The following PCDH15 variants were observed in gnomAD, a reference collection of about 807,000 sequenced individuals.
PCDH15 encodes the protein protocadherin related 15.
In PCDH15, 129 loss-of-function variants were observed where a neutral mutation model predicts 178.5. The ratio of observed to expected loss-of-function variants is 0.72; its 90% CI spans 0.63 to 0.84. The LOEUF is 0.84. Among genes scored for constraint, PCDH15 ranks in the 40% least tolerant of loss-of-function variants. The pLI is 0.00. For synonymous variants in PCDH15, 800 were observed against 732.0 expected (o/e 1.09, Z -1.50); for missense variants, 2,230 against 2,099.9 (o/e 1.06, Z -1.21).
intron 2 of PCDH15, among the ~76,000 whole-genome samples, chr10:55,085,388 T>C (rs773512858): frequency 6.6e-6 from 1 of 151,782 alleles, no homozygotes; most frequent in Non-Finnish European, 1.5e-5. Flanking sequence ...GGTTAATGCA[T>C]ACAAAAATAT....
intron 2 of PCDH15, among the ~76,000 whole-genome samples, chr10:55,118,156 T>A (rs564032679): frequency 1.3e-5 from 2 of 152,152 alleles, no homozygotes; most frequent in African/African-American, 2.4e-5. Context: ...AACACTCTCA[T>A]ATAGACAAAT....
At chr10:53,915,250 T>C (rs139025606) in intron 25 of PCDH15, among the ~76,000 whole-genome samples, 170 of 152,296 alleles carry the variant, frequency 1.1e-3, no homozygotes, top group African/African-American at 4.0e-3. Context: ...ACAAAACATT[T>C]AGAAAATAAA....
chr10:55,251,926 A>G (rs976339580), intron 1 of PCDH15, among the ~76,000 whole-genome samples: 1 of 151,176 alleles, frequency 6.6e-6, no homozygotes, highest in Non-Finnish European at 1.5e-5. Flanking sequence ...TACTTGTCAA[A>G]ACAAAACAAC....
intron 2 of PCDH15, among the ~76,000 whole-genome samples, chr10:54,529,901 T>C (rs2083737050): frequency 6.6e-6 from 1 of 151,838 alleles, no homozygotes; most frequent in Non-Finnish European, 1.5e-5. Flanking sequence ...CTCTCATATG[T>C]ACACACACAC....
intron 5 of PCDH15, among the ~76,000 whole-genome samples, chr10:54,356,249 C>T (rs1439450781): frequency 4.6e-5 from 7 of 151,736 alleles, no homozygotes; most frequent in Non-Finnish European, 7.4e-5. Flanking sequence ...ACAAAGTCTA[C>T]GAATCATGAG....
chr10:55,386,545 A>T (rs1646161109), intron 2 of PCDH15, among the ~76,000 whole-genome samples: 1 of 152,030 alleles, frequency 6.6e-6, no homozygotes, highest in Non-Finnish European at 1.5e-5. Flanking sequence ...GATAACATAG[A>T]TCCAATGATA....
chr10:54,753,985 T>TTG (rs1566134806), intron 1 of PCDH15, among the ~76,000 whole-genome samples: 2 of 125,054 alleles, frequency 1.6e-5, no homozygotes, highest in Non-Finnish European at 3.6e-5. Context: ...ATTTTTTTTT[T>TTG]TTATTATTAT....
rs112882848 is a variant in PCDH15 at position 54,645,717 on chromosome 10, G to A, written c.91+18455C>T. Among the ~76,000 whole-genome samples, 1,255 of 152,188 alleles carry A rather than the reference G, an allele frequency of 8.2e-3. 21 individuals carry two copies. Among genetic ancestry groups the A allele is most frequent in the African/African-American group, 0.028 (1,164 of 41,546 alleles). ...GGTTTGTGTATGTTTGCATGTGTGT[G>A]TAAATGTTTTTAGACAAAGAAAACA... On this transcript the variant is annotated intron_variant, in intron 2 of 37. Transcript: ENST00000644397.
chr10:54,645,437 A>G (rs566882690), intron 2 of PCDH15, among the ~76,000 whole-genome samples: 1 of 152,268 alleles, frequency 6.6e-6, no homozygotes, highest in Admixed American at 6.5e-5. Context: ...GAAAAATAGT[A>G]AAAGCATTTA....
At chr10:54,358,323 A>AAAAC (rs1274142669) in intron 5 of PCDH15, among the ~76,000 whole-genome samples, 4 of 151,262 alleles carry the variant, frequency 2.6e-5, no homozygotes, top group Admixed American at 1.3e-4. Context: ...TTACAAGAAA[A>AAAAC]AAACAACCCC....
intron 2 of PCDH15, among the ~76,000 whole-genome samples, chr10:55,541,966 A>G (rs926242357): frequency 5.3e-5 from 8 of 151,814 alleles, no homozygotes; most frequent in Non-Finnish European, 8.9e-5. Flanking sequence ...ATGCTACAAT[A>G]AATGAGTCAG....
At chr10:54,593,360 G>A (rs913595153) in intron 2 of PCDH15, among the ~76,000 whole-genome samples, 6 of 152,066 alleles carry the variant, frequency 3.9e-5, no homozygotes, top group African/African-American at 1.4e-4. Context: ...TTTTGTATGT[G>A]GTAAGAGCTT....
chr10:55,270,985 G>A (rs1040194412), intron 1 of PCDH15, among the ~76,000 whole-genome samples: 6 of 152,048 alleles, frequency 3.9e-5, no homozygotes, highest in Non-Finnish European at 5.9e-5. Flanking sequence ...TGTGCTTCAC[G>A]GTGATATGGA....
chr10:55,478,018 A>T (rs1461066861), intron 2 of PCDH15, among the ~76,000 whole-genome samples: 1 of 151,900 alleles, frequency 6.6e-6, no homozygotes, highest in Non-Finnish European at 1.5e-5. Context: ...GAAACCAAAA[A>T]GTAGCAGGAG....
chr10:54,278,882 ATTC>A (rs1241489826), intron 8 of PCDH15, among the ~76,000 whole-genome samples: 1 of 151,578 alleles, frequency 6.6e-6, no homozygotes, highest in Non-Finnish European at 1.5e-5. Flanking sequence ...CTGCACTTCA[ATTC>A]TTCTTAGTTC....
At chr10:54,749,696 G>T (rs1421461086) in intron 1 of PCDH15, among the ~76,000 whole-genome samples, 3 of 152,096 alleles carry the variant, frequency 2.0e-5, no homozygotes, top group African/African-American at 7.2e-5. Context: ...GCTTATTATT[G>T]GATTTGATTT....
chr10:54,048,326 A>G (rs998949569), intron 18 of PCDH15, among the ~76,000 whole-genome samples: 2 of 152,084 alleles, frequency 1.3e-5, no homozygotes, highest in Non-Finnish European at 2.9e-5. Flanking sequence ...CTGCATAGTT[A>G]GCAAATATTT....
chr10:54,284,154 A>G (rs1564861447), intron 8 of PCDH15, among the ~76,000 whole-genome samples: 1 of 152,168 alleles, frequency 6.6e-6, no homozygotes, highest in Non-Finnish European at 1.5e-5. Flanking sequence ...ATTTTCAATA[A>G]ATTATATTTA....
chr10:54,551,998 T>G (rs1480461221), intron 2 of PCDH15, among the ~76,000 whole-genome samples: 5 of 152,094 alleles, frequency 3.3e-5, no homozygotes, highest in Non-Finnish European at 1.5e-5. Flanking sequence ...GCTGGAAATA[T>G]TTGAATTCTA....
Sources: allele counts gnomAD v4.1 joint callset (sites outside exome capture counted in the v4.1 genomes callset), GRCh38; gene constraint gnomAD v4.1.1; transcripts MANE v1.5; gene names NCBI Gene and HGNC (gene_info 2026-07-23, HGNC 2026-07-21).